Variants in NDUFA13 observed in about 807,000 individuals in gnomAD.
NDUFA13 encodes the protein NADH dehydrogenase [ubiquinone] 1 alpha subcomplex subunit 13.
In NDUFA13, 16 loss-of-function variants were observed where a neutral mutation model predicts 17.0. That is an observed-to-expected ratio of 0.94 (90% CI 0.64 to 1.43). The LOEUF is 1.43. Among genes scored for constraint, NDUFA13 ranks in the 40% most tolerant of loss-of-function variants. The probability of loss-of-function intolerance (pLI) is 0.00; values close to 1 mark genes in which losing one functional copy is unlikely to be tolerated. For synonymous variants in NDUFA13, 87 were observed against 78.4 expected (o/e 1.11, Z -0.58); for missense variants, 228 against 206.7 (o/e 1.10, Z -0.63).
At chr19:19,519,247 A>G (rs1389944107) in intron 1 of NDUFA13, among the ~76,000 whole-genome samples, 3 of 152,066 alleles carry the variant, frequency 2.0e-5, no homozygotes, top group Non-Finnish European at 4.4e-5. Context: ...GGTGTGCAGC[A>G]CAAGGTCTGT....
chr19:19,516,653 AGGCCGC>A (rs1190613977), intron 1 of NDUFA13, among the ~76,000 whole-genome samples: 1 of 152,222 alleles, frequency 6.6e-6, no homozygotes, highest in Non-Finnish European at 1.5e-5. Flanking sequence ...GGCCCAAAGA[AGGCCGC>A]GGCTCCCCAA....
chr19:19,527,447 G>C, intron 3 of NDUFA13, 95 bp downstream of exon 3: 5 of 1,435,098 alleles, frequency 3.5e-6, no homozygotes, highest in Admixed American at 1.7e-5. Context: ...CAGAATGCAC[G>C]TGGGGGCCAT....
intron 4 of NDUFA13, 115 bp downstream of exon 4, chr19:19,527,885 A>G (rs1459612558): frequency 2.0e-6 from 3 of 1,471,992 alleles, no homozygotes; most frequent in South Asian, 2.4e-5. Flanking sequence ...GGTGGGTGCC[A>G]GGTCCCACAA....
intron 1 of NDUFA13, among the ~76,000 whole-genome samples, chr19:19,521,853 C>T (rs1331987277): frequency 1.3e-5 from 2 of 151,820 alleles, no homozygotes; most frequent in Non-Finnish European, 2.9e-5. Flanking sequence ...CCGCCCGCCT[C>T]GGCCTCCCAA....
At position 19,527,329 on chromosome 19, in the gene NDUFA13, G is replaced by A. The variant is rs1359483164; in HGVS notation, c.222G>A (p.Leu74=). 2.5e-6 allele frequency: 4 copies of A among 1,613,830 alleles called. No homozygotes were observed. Among genetic ancestry groups the A allele is most frequent in the South Asian group, 1.1e-5 (1 of 91,094 alleles). Residue 74 remains leucine (L), a synonymous_variant, in exon 3 of 5, where the codon CTG becomes CTA. Transcript: ENST00000507754. The stretch of plus-strand genomic sequence containing the variant: ...AGGCTCGCATCGCGCTGTTGCCACT[G>A]TTACAGGCAGAAACCGACCGGAGGT... ...DFEARIALLP[L]LQAETDRRTL...
At position 19,526,178 on chromosome 19, in the gene NDUFA13, A is replaced by G. The variant is rs369000500; in HGVS notation, c.95-4A>G. The stretch of plus-strand genomic sequence containing the variant: ...GGCCCGCTGAGCAGCGCCTCTCTTC[A>G]CAGGCTACAGCATGCTGGCCATAGG... On this transcript the variant is annotated splice_polypyrimidine_tract_variant and splice_region_variant and intron_variant, in intron 1 of 4. Coordinates refer to ENST00000507754, the MANE Select transcript of NDUFA13 (RefSeq NM_015965.7). The G allele has an allele frequency of 8.7e-6, 14 of 1,613,690 alleles. No individual in the cohort carries two copies. The African/African-American group carries it at 1.7e-4, about 20-fold the overall frequency.
chr19:19,527,188 C>G, intron 2 of NDUFA13, 93 bp from the exon 3 acceptor site: 1 of 1,394,382 alleles, frequency 7.2e-7, no homozygotes, highest in Non-Finnish European at 1.0e-6. Context: ...CCGCCTCTTC[C>G]CCCAGCAGCA....
chr19:19,525,023 TGA>T (rs1808611549), intron 1 of NDUFA13, among the ~76,000 whole-genome samples: 6 of 151,622 alleles, frequency 4.0e-5, no homozygotes. Context: ...GGTAGCAGAG[TGA>T]GACCTTGTCT....
chr19:19,526,142 G>T (rs981542378), intron 1 of NDUFA13, 40 bp from the exon 2 acceptor site: 2 of 1,607,930 alleles, frequency 1.2e-6, no homozygotes, highest in African/African-American at 1.3e-5. Context: ...GAGGGTGTCT[G>T]GGGGCGGGCT....
At chr19:19,525,620 G>T (rs987768826) in intron 1 of NDUFA13, among the ~76,000 whole-genome samples, 3 of 152,198 alleles carry the variant, frequency 2.0e-5, no homozygotes, top group Admixed American at 2.0e-4. Flanking sequence ...ATCCCAGTGG[G>T]CCCCCAGCCT....
intron 3 of NDUFA13, 131 bp downstream of exon 3, chr19:19,527,483 C>T: frequency 8.3e-7 from 1 of 1,205,840 alleles, no homozygotes; most frequent in Non-Finnish European, 1.2e-6. Context: ...GCTGCATCCT[C>T]AGGCGTGGAG....
At chr19:19,526,380 C>T in intron 2 of NDUFA13, 120 bp downstream of exon 2, 11 of 1,062,634 alleles carry the variant, frequency 1.0e-5, no homozygotes, top group Non-Finnish European at 1.4e-5. Context: ...CTTGGCTGTG[C>T]AATCCCAGGC....
At chr19:19,527,123 C>T (rs955719013) in intron 2 of NDUFA13, among the ~76,000 whole-genome samples, 158 bp from the exon 3 acceptor site, 2 of 152,212 alleles carry the variant, frequency 1.3e-5, no homozygotes, top group African/African-American at 2.4e-5. Flanking sequence ...CTGCCCACAG[C>T]CCTTGCCCTT....
At chr19:19,527,645 C>T (rs1808849180) in intron 3 of NDUFA13, 56 bp from the exon 4 acceptor site, 2 of 1,424,518 alleles carry the variant, frequency 1.4e-6, no homozygotes, top group Non-Finnish European at 1.9e-6. Context: ...GGGCCCTAGG[C>T]AGGGGCCCCT....
intron 1 of NDUFA13, among the ~76,000 whole-genome samples, chr19:19,523,124 G>A (rs1268290375): frequency 6.6e-6 from 1 of 152,208 alleles, no homozygotes; most frequent in Non-Finnish European, 1.5e-5. Context: ...ATTTCCATAT[G>A]AATTTCCCAA....
At chr19:19,527,155 C>T (rs1259596589) in intron 2 of NDUFA13, 126 bp from the exon 3 acceptor site, 103 of 963,838 alleles carry the variant, frequency 1.1e-4, no homozygotes, top group Non-Finnish European at 1.6e-4. Flanking sequence ...CGCCCTGCCC[C>T]CTGCCTGCCT....
At chr19:19,522,077 G>A (rs946741502) in intron 1 of NDUFA13, among the ~76,000 whole-genome samples, 6 of 152,062 alleles carry the variant, frequency 3.9e-5, no homozygotes, top group Admixed American at 1.3e-4. Context: ...GGCAGAGGCA[G>A]GTGGATCACT....
intron 1 of NDUFA13, among the ~76,000 whole-genome samples, chr19:19,521,660 T>C (rs1438230561): frequency 3.1e-5 from 1 of 31,954 alleles, no homozygotes; most frequent in East Asian, 8.0e-4. Flanking sequence ...TGGAGTGTAG[T>C]GGCACGATCT....
intron 1 of NDUFA13, among the ~76,000 whole-genome samples, chr19:19,522,260 G>A (rs1204505150): frequency 3.3e-5 from 5 of 151,840 alleles, no homozygotes; most frequent in African/African-American, 1.2e-4. Flanking sequence ...AGCCGAGATT[G>A]TGCCACTGCA....
Sources: allele counts gnomAD v4.1 joint callset (sites outside exome capture counted in the v4.1 genomes callset), GRCh38; gene constraint gnomAD v4.1.1; transcripts MANE v1.5; gene names NCBI Gene and HGNC (gene_info 2026-07-23, HGNC 2026-07-21).